Variants in GRID2 observed in about 807,000 individuals in gnomAD.
GRID2 encodes glutamate receptor ionotropic, delta-2.
A neutral mutation model predicts 114.8 loss-of-function variants in GRID2; 33 were observed. The ratio of observed to expected loss-of-function variants is 0.29; its 90% confidence interval spans 0.22 to 0.38. GRID2 has a LOEUF of 0.38. GRID2 is among the 10% of genes least tolerant of loss of function. The pLI, the probability that GRID2 is intolerant of heterozygous loss-of-function variation, is 1.00. For synonymous variants in GRID2, 505 were observed against 449.9 expected, an observed-to-expected ratio of 1.12 and a Z score of -1.55; for missense variants, 1,184 against 1,257.7, an observed-to-expected ratio of 0.94 and a Z score of 0.89.
At chr4:92,311,982 G>A (rs1431695099) in intron 1 of GRID2, among the ~76,000 whole-genome samples, 4 of 151,828 alleles carry the variant, frequency 2.6e-5, no homozygotes, top group African/African-American at 9.7e-5. Flanking sequence ...ATGAGGGAAT[G>A]AAGGGTGACA....
chr4:92,959,057 C>CTTTTTT (rs74267681), intron 2 of GRID2, among the ~76,000 whole-genome samples: 12 of 70,808 alleles, frequency 1.7e-4, no homozygotes, highest in East Asian at 4.3e-4. Context: ...GTCCACTCTT[C>CTTTTTT]TTTTTTTTTT....
At chr4:93,764,442 A>G (rs1266621958) in intron 14 of GRID2, among the ~76,000 whole-genome samples, 4 of 152,210 alleles carry the variant, frequency 2.6e-5, no homozygotes, top group Non-Finnish European at 4.4e-5. Flanking sequence ...GTACCGGAAC[A>G]GGTCCAAAGA....
intron 8 of GRID2, among the ~76,000 whole-genome samples, chr4:93,317,910 T>C (rs1223866453): frequency 6.7e-6 from 1 of 148,408 alleles, no homozygotes; most frequent in Non-Finnish European, 1.5e-5. Flanking sequence ...ATTTAAACAA[T>C]TGGAAGAATG....
At chr4:92,334,361 A>C (rs574321452) in intron 1 of GRID2, among the ~76,000 whole-genome samples, 98 of 152,264 alleles carry the variant, frequency 6.4e-4, no homozygotes, top group Non-Finnish European at 1.2e-3. Context: ...CTACTCCTTC[A>C]AATTCTTCCT....
chr4:92,956,084 A>T lies in GRID2; in HGVS notation c.245-128911A>T, dbSNP rs570098574. Among the ~76,000 whole-genome samples, 210 of 152,310 alleles carry T rather than the reference A, an allele frequency of 1.4e-3. 1 individual carries two copies. The highest frequency in any genetic ancestry group is 4.9e-3 in the African/African-American group (202 of 41,566). ...AACAAAAAACAAAAACAATTTTTGG[A>T]ACAGTTGTAGGTTCACAGCAAAACT... On this transcript the variant is annotated intron_variant, in intron 2 of 15. Coordinates refer to ENST00000282020, the MANE Select transcript of GRID2 (RefSeq NM_001510.4).
At chr4:92,540,817 C>G (rs1479865635) in intron 1 of GRID2, among the ~76,000 whole-genome samples, 5 of 152,182 alleles carry the variant, frequency 3.3e-5, no homozygotes, top group Non-Finnish European at 1.5e-5. Flanking sequence ...GATTATAAAT[C>G]ATGCTGCTAT....
chr4:92,662,969 T>C (rs1399253252), intron 2 of GRID2, among the ~76,000 whole-genome samples: 1 of 150,894 alleles, frequency 6.6e-6, no homozygotes, highest in African/African-American at 2.4e-5. Flanking sequence ...ATTTTAAGTT[T>C]GCTAGAGAAT....
At chr4:92,392,540 A>AAT (rs1183216608) in intron 1 of GRID2, among the ~76,000 whole-genome samples, 2 of 152,018 alleles carry the variant, frequency 1.3e-5, no homozygotes, top group Non-Finnish European at 2.9e-5. Context: ...TCTGTCTCAA[A>AAT]ATATATATAT....
chr4:93,217,608 G>T (rs534890558), intron 6 of GRID2, among the ~76,000 whole-genome samples: 2 of 151,588 alleles, frequency 1.3e-5, no homozygotes, highest in East Asian at 1.9e-4. Flanking sequence ...TCTGAAGGGG[G>T]TGTTACACAA....
chr4:92,951,948 A>T (rs1232279052), intron 2 of GRID2, among the ~76,000 whole-genome samples: 1 of 152,144 alleles, frequency 6.6e-6, no homozygotes, highest in Non-Finnish European at 1.5e-5. Flanking sequence ...ATCTCACCTA[A>T]GTCTTATTGA....
chr4:92,547,112 T>C (rs1001001320), intron 1 of GRID2, among the ~76,000 whole-genome samples: 2 of 152,198 alleles, frequency 1.3e-5, no homozygotes, highest in African/African-American at 2.4e-5. Context: ...GCTTCTCCGA[T>C]ACCTAAATAT....
At chr4:93,791,542 T>C (rs1304750119) in intron 1 of GRID2, among the ~76,000 whole-genome samples, 1 of 152,200 alleles carries the variant, frequency 6.6e-6, no homozygotes, top group East Asian at 1.9e-4. Flanking sequence ...AGACTAACTT[T>C]AAGGAGATTT....
chr4:93,723,643 C>T (rs1345255045), intron 14 of GRID2, among the ~76,000 whole-genome samples: 1 of 152,138 alleles, frequency 6.6e-6, no homozygotes, highest in African/African-American at 2.4e-5. Flanking sequence ...CTTACTATTT[C>T]CCCCAGGGGA....
chr4:93,647,876 T>C (rs970045762), intron 14 of GRID2, among the ~76,000 whole-genome samples: 29 of 152,330 alleles, frequency 1.9e-4, no homozygotes, highest in Non-Finnish European at 5.9e-5. Context: ...TTATTGCACA[T>C]TTATTAAGTG....
intron 14 of GRID2, among the ~76,000 whole-genome samples, chr4:93,632,547 G>T (rs1721016904): frequency 6.6e-6 from 1 of 152,146 alleles, no homozygotes; most frequent in Non-Finnish European, 1.5e-5. Context: ...TATTATTTCT[G>T]AGCGCTCTGT....
intron 4 of GRID2, among the ~76,000 whole-genome samples, chr4:93,199,962 G>A (rs1388694715): frequency 4.6e-5 from 7 of 152,110 alleles, no homozygotes; most frequent in South Asian, 2.1e-4. Context: ...TTGGAGTTTC[G>A]TATGGCCACT....
intron 14 of GRID2, among the ~76,000 whole-genome samples, chr4:93,683,113 G>A (rs931033194): frequency 5.3e-5 from 8 of 151,528 alleles, no homozygotes; most frequent in African/African-American, 1.9e-4. Flanking sequence ...GTTACCTTTG[G>A]GGGGAAAAAA....
chr4:92,671,858 T>G (rs548050028), intron 2 of GRID2, among the ~76,000 whole-genome samples: 1 of 152,154 alleles, frequency 6.6e-6, no homozygotes, highest in African/African-American at 2.4e-5. Context: ...AAAATAACTT[T>G]TGCTAACAAC....
At chr4:92,574,413 ATTTTT>A (rs58296126) in intron 1 of GRID2, among the ~76,000 whole-genome samples, 14 of 112,388 alleles carry the variant, frequency 1.2e-4, no homozygotes, top group East Asian at 1.1e-3. Flanking sequence ...GTACTTTAGT[ATTTTT>A]TTTTTTTTTT....
Sources: allele counts gnomAD v4.1 joint callset (sites outside exome capture counted in the v4.1 genomes callset), GRCh38; gene constraint gnomAD v4.1.1; transcripts MANE v1.5; gene names NCBI Gene and HGNC (gene_info 2026-07-23, HGNC 2026-07-21).